COL23A1: variants seen among roughly 807,000 people sequenced by gnomAD.
The protein encoded by COL23A1 is collagen type XXIII alpha 1 chain, also known as collagen alpha-1(XXIII) chain.
A neutral mutation model predicts 99.3 loss-of-function variants in COL23A1; 97 were observed. The ratio of observed to expected loss-of-function variants is 0.98; its 90% CI spans 0.83 to 1.16. The LOEUF (loss-of-function observed/expected upper bound fraction) is 1.16, where lower values mean the gene tolerates loss of function less well. Ranked by LOEUF, COL23A1 falls within the 50% of genes most tolerant of loss-of-function variation. COL23A1 has a pLI of 0.00. For synonymous variants in COL23A1, 320 were observed against 308.2 expected, an observed-to-expected ratio of 1.04 and a Z score of -0.40; for missense variants, 762 against 757.4, an observed-to-expected ratio of 1.01 and a Z score of -0.07.
intron 2 of COL23A1, among the ~76,000 whole-genome samples, chr5:178,418,694 G>A (rs762678667): frequency 2.1e-5 from 3 of 145,030 alleles, no homozygotes; most frequent in Non-Finnish European, 4.4e-5. Context: ...CTTTGTAGGT[G>A]GCAGGCTGGA....
intron 2 of COL23A1, among the ~76,000 whole-genome samples, chr5:178,419,101 G>A (rs765509831): frequency 1.3e-4 from 20 of 152,162 alleles, no homozygotes; most frequent in African/African-American, 3.9e-4. Context: ...CCACCCAGGC[G>A]TTGGCACTCG....
At chr5:178,277,065 G>A (rs1030698892) in intron 5 of COL23A1, among the ~76,000 whole-genome samples, 1 of 152,128 alleles carries the variant, frequency 6.6e-6, no homozygotes, top group Non-Finnish European at 1.5e-5. Flanking sequence ...TATTTGATCC[G>A]TGCAGTTAAA....
chr5:178,511,616 G>C (rs1297032434), intron 2 of COL23A1, among the ~76,000 whole-genome samples: 3 of 152,170 alleles, frequency 2.0e-5, no homozygotes, highest in Non-Finnish European at 4.4e-5. Flanking sequence ...GTTAAACTCT[G>C]GAAGGAAGGC....
At chr5:178,565,046 A>C (rs1189494310) in intron 1 of COL23A1, among the ~76,000 whole-genome samples, 3 of 152,244 alleles carry the variant, frequency 2.0e-5, no homozygotes, top group African/African-American at 7.2e-5. Flanking sequence ...CGCAACTGTC[A>C]CATCAGGAAA....
At chr5:178,326,867 C>A (rs761143588) in intron 2 of COL23A1, among the ~76,000 whole-genome samples, 10 of 152,316 alleles carry the variant, frequency 6.6e-5, no homozygotes, top group Admixed American at 3.3e-4. Flanking sequence ...CTACAGGCGC[C>A]TGCCACCACG....
chr5:178,364,207 C>T (rs1762329935), intron 2 of COL23A1, among the ~76,000 whole-genome samples: 1 of 152,202 alleles, frequency 6.6e-6, no homozygotes, highest in African/African-American at 2.4e-5. Flanking sequence ...TGTTTCCCTC[C>T]CTCCCGCCTA....
intron 2 of COL23A1, among the ~76,000 whole-genome samples, chr5:178,469,325 G>A (rs1321683055): frequency 2.6e-5 from 4 of 152,126 alleles, no homozygotes; most frequent in African/African-American, 9.7e-5. Context: ...CTGGGACACT[G>A]CGCAGTGAGC....
chr5:178,338,798 C>G (rs1329475811), intron 2 of COL23A1, among the ~76,000 whole-genome samples: 1 of 152,196 alleles, frequency 6.6e-6, no homozygotes, highest in Non-Finnish European at 1.5e-5. Context: ...GAGAGGGCGA[C>G]CAAGTGCCCA....
At chr5:178,393,866 A>G (rs1764095399) in intron 2 of COL23A1, among the ~76,000 whole-genome samples, 1 of 152,106 alleles carries the variant, frequency 6.6e-6, no homozygotes, top group Non-Finnish European at 1.5e-5. Flanking sequence ...ACCTCAAGTA[A>G]TCCACCTGCT....
At chr5:178,491,448 G>T (rs2127970098) in intron 2 of COL23A1, among the ~76,000 whole-genome samples, 1 of 152,238 alleles carries the variant, frequency 6.6e-6, no homozygotes, top group South Asian at 2.1e-4. Context: ...TTCTGCAGAG[G>T]AAGGGAACTG....
chr5:178,317,383 CT>C (rs1392083359), intron 2 of COL23A1, among the ~76,000 whole-genome samples: 1 of 152,188 alleles, frequency 6.6e-6, no homozygotes, highest in African/African-American at 2.4e-5. Context: ...TTAGAATTCC[CT>C]GAGTTGCTTT....
At chr5:178,312,116 G>C (rs1758725832) in intron 2 of COL23A1, among the ~76,000 whole-genome samples, 1 of 152,194 alleles carries the variant, frequency 6.6e-6, no homozygotes, top group South Asian at 2.1e-4. Context: ...GCAGGTTCGA[G>C]GTGCTGAGAC....
chr5:178,304,514 A>C (rs1758247631), intron 3 of COL23A1, among the ~76,000 whole-genome samples: 1 of 150,168 alleles, frequency 6.7e-6, no homozygotes, highest in African/African-American at 2.5e-5. Flanking sequence ...TCAAAAAAAA[A>C]AAAAAAAAAA....
Position 178,313,676 on chromosome 5 carries a change from C to T in COL23A1, c.362-6757G>A, listed in dbSNP as rs369852500. Among the ~76,000 whole-genome samples, 6 of 152,320 alleles carry T rather than the reference C, an allele frequency of 3.9e-5. No homozygotes were observed. The East Asian group carries it at 9.7e-4, about 25-fold the overall frequency. Reference sequence around the variant, plus strand: ...TCTCATCCCACCACGTGTCGAGTGTCCCTTCAGACCTGGTCCTTCTCAACA... The same window carrying T: ...TCTCATCCCACCACGTGTCGAGTGTTCCTTCAGACCTGGTCCTTCTCAACA... On this transcript the variant is annotated intron_variant, in intron 2 of 28. Transcript: ENST00000390654. The surrounding 1 kb of genome is among the most constrained non-coding windows in gnomAD (Gnocchi z 4.2).
intron 2 of COL23A1, among the ~76,000 whole-genome samples, chr5:178,540,341 T>C (rs1761219564): frequency 1.3e-5 from 2 of 152,258 alleles, no homozygotes; most frequent in Admixed American, 1.3e-4. Flanking sequence ...TGAAAAGTCA[T>C]CACCAACAGA....
rs911799988 is a variant in COL23A1, at chr5:178,255,818, T to A, written c.882+535A>T. 2.5e-6 allele frequency: 1 copy of A among 402,986 alleles called. No homozygotes were observed. The highest frequency in any genetic ancestry group is 2.1e-5 in the African/African-American group (1 of 47,370). The allele number at this position is 402,986 out of a possible 1,614,324, so 25.0% of individuals were successfully genotyped here. ...AGCCAGGCGGGGGCTCAGATCCATT[T>A]TTTTTGGAGGAAGAAGCCAGCCTCT... On this transcript the variant is annotated intron_variant, in intron 15 of 28. Coordinates refer to ENST00000390654, the MANE Select transcript of COL23A1 (RefSeq NM_173465.4). The surrounding 1 kb of genome is among the most constrained non-coding windows in gnomAD (Gnocchi z 4.2).
At chr5:178,443,538 G>A (rs1189560918) in intron 2 of COL23A1, among the ~76,000 whole-genome samples, 2 of 152,152 alleles carry the variant, frequency 1.3e-5, no homozygotes, top group African/African-American at 4.8e-5. Context: ...TCGGCTCACT[G>A]CAATCTCTGC....
At chr5:178,510,368 CCT>C (rs1759134196) in intron 2 of COL23A1, among the ~76,000 whole-genome samples, 1 of 152,148 alleles carries the variant, frequency 6.6e-6, no homozygotes, top group South Asian at 2.1e-4. Context: ...ATGGTGAAAC[CCT>C]GTCTCTACTA....
At chr5:178,250,429 C>G (rs1764973628) in intron 17 of COL23A1, among the ~76,000 whole-genome samples, 1 of 152,178 alleles carries the variant, frequency 6.6e-6, no homozygotes, top group Non-Finnish European at 1.5e-5. Flanking sequence ...GGCTCTTTCT[C>G]TTGAGATAAA....
Sources: allele counts gnomAD v4.1 joint callset (sites outside exome capture counted in the v4.1 genomes callset), GRCh38; gene constraint gnomAD v4.1.1; non-coding constraint Gnocchi (gnomAD v3.1); transcripts MANE v1.5; gene names NCBI Gene and HGNC (gene_info 2026-07-23, HGNC 2026-07-21).